Variants in APOL2 observed in about 807,000 individuals in gnomAD.
APOL2 encodes the protein apolipoprotein L, 2.
APOL2 carries 8 observed loss-of-function variants against 7.1 expected under a neutral mutation model. That is an observed-to-expected ratio of 1.12 (90% CI 0.66 to 2.03). The LOEUF (loss-of-function observed/expected upper bound fraction) is 2.03, where lower values mean the gene tolerates loss of function less well. Ranked by LOEUF, APOL2 falls within the 30% of genes most tolerant of loss-of-function variation. The probability of loss-of-function intolerance (pLI) is 0.00; values close to 1 mark genes in which losing one functional copy is unlikely to be tolerated. For missense variants in APOL2, 471 were observed against 415.1 expected (o/e 1.13, Z -1.17); for synonymous variants, 177 against 159.9 (o/e 1.11, Z -0.81).
intron 3 of APOL2, 152 bp from the exon 4 acceptor site, chr22:36,231,618 GCCCC>G: frequency 1.0e-6 from 1 of 962,084 alleles, no homozygotes; most frequent in Non-Finnish European, 1.5e-6. Context: ...GGGATTGTGT[GCCCC>G]CAAAATTCAT....
intron 1 of APOL2, among the ~76,000 whole-genome samples, chr22:36,234,562 G>A (rs1349541390): frequency 6.6e-6 from 1 of 152,174 alleles, no homozygotes; most frequent in Admixed American, 6.5e-5. Flanking sequence ...TACCCTGGGA[G>A]GTGAGGGAAA....
At chr22:36,235,007 G>A in intron 1 of APOL2, among the ~76,000 whole-genome samples, 1 of 152,200 alleles carries the variant, frequency 6.6e-6, no homozygotes, top group East Asian at 1.9e-4. Flanking sequence ...AAGAGATGTT[G>A]GAAAACAGAA....
rs2010499 is a variant in APOL2 at position 36,233,420 on chromosome 22, T to A, written c.-98A>T. On this transcript the variant is annotated 5_prime_UTR_variant, in exon 2 of 5. Coordinates refer to ENST00000358502, the MANE Select transcript of APOL2 (RefSeq NM_030882.4). ...AACTCACCTCGTTCCAGCTTCCTCT[T>A]CCCTCACTCTCACACCAAGGCAGGG... is the stretch of plus-strand genomic sequence containing the variant. 491,612 of 1,550,084 alleles carry A rather than the reference T, an allele frequency of 0.32. 82,882 individuals are homozygous for A. The highest frequency in any genetic ancestry group is 0.35 in the Non-Finnish European group (397,526 of 1,147,144).
At chr22:36,238,629 A>C (rs2015493565) in intron 1 of APOL2, among the ~76,000 whole-genome samples, 1 of 152,196 alleles carries the variant, frequency 6.6e-6, no homozygotes, top group Admixed American at 6.5e-5. Flanking sequence ...CTGTAGTTAT[A>C]CTCACAATTC....
intron 4 of APOL2, among the ~76,000 whole-genome samples, chr22:36,228,867 G>A (rs1488960437): frequency 2.0e-5 from 3 of 152,178 alleles, no homozygotes; most frequent in African/African-American, 4.8e-5. Flanking sequence ...AGGACTTGGG[G>A]ACTAAAGGTG....
At chr22:36,236,175 C>G (rs1361152323) in intron 1 of APOL2, among the ~76,000 whole-genome samples, 1 of 152,220 alleles carries the variant, frequency 6.6e-6, no homozygotes, top group Non-Finnish European at 1.5e-5. Context: ...AATGTAAACA[C>G]TCTTGATTGA....
chr22:36,227,267 G>T lies in APOL2; in HGVS notation c.*137C>A, dbSNP rs1381132560. On this transcript the variant is annotated 3_prime_UTR_variant, in exon 5 of 5. Coordinates refer to ENST00000358502, the MANE Select transcript of APOL2 (RefSeq NM_030882.4). Reference sequence around the variant, plus strand: ...GGAGGCGGAGTTTGCAGTGAGCCGAGATTGAGCCACTGCACTCCATCCTGG... The same window carrying T: ...GGAGGCGGAGTTTGCAGTGAGCCGATATTGAGCCACTGCACTCCATCCTGG... 3.6e-6 allele frequency: 4 copies of T among 1,104,432 alleles called. No individual in the cohort carries two copies. The highest frequency in any genetic ancestry group is 2.7e-5 in the East Asian group (1 of 37,506). The allele number at this position is 1,104,432 out of a possible 1,614,324, so 68.4% of individuals were successfully genotyped here. A position where few individuals can be genotyped will look rare whatever the true frequency, so the allele number is the denominator to read the frequency against.
At chr22:36,237,659 G>C (rs959989037) in intron 1 of APOL2, among the ~76,000 whole-genome samples, 1 of 152,064 alleles carries the variant, frequency 6.6e-6, no homozygotes, top group Non-Finnish European at 1.5e-5. Context: ...TGATTCTCCC[G>C]CCTCTGCCTC....
rs11703614 is a variant in APOL2, at chr22:36,226,668, G to C, written c.*736C>G. The C allele has an allele frequency of 0.19, 28,199 of 150,472 alleles. 2,932 individuals carry two copies. Among genetic ancestry groups the C allele is most frequent in the Middle Eastern group, 0.24 (72 of 298 alleles). The allele number at this position is 150,472 out of a possible 1,614,324, so 9.3% of individuals were successfully genotyped here. On this transcript the variant is annotated 3_prime_UTR_variant, in exon 5 of 5. Transcript: ENST00000358502. ...CTTGGAAGGACATCAAACCTGGGGG[G>C]GGGTCGGTAGTGGAGCTGCTGTTTC... is the stretch of plus-strand genomic sequence containing the variant.
intron 1 of APOL2, chr22:36,237,178 A>G: frequency 6.7e-7 from 1 of 1,495,818 alleles, no homozygotes. Flanking sequence ...ACTGCCCCTC[A>G]GGCTTGACTA....
At chr22:36,238,929 C>T (rs1352513976) in intron 1 of APOL2, among the ~76,000 whole-genome samples, 1 of 152,202 alleles carries the variant, frequency 6.6e-6, no homozygotes, top group Non-Finnish European at 1.5e-5. Context: ...AGTAGGTGCT[C>T]AGACTCAGGG....
rs770494326 is a variant in APOL2, at chr22:36,227,929, C to T, written c.489G>A (p.Gly163=). The T allele has an allele frequency of 6.2e-7, 1 of 1,614,118 alleles. No homozygotes were observed. The change falls in exon 5 of 5, where the codon GGG becomes GGA. Residue 163 remains glycine (G), a synonymous_variant. Transcript: ENST00000358502. ...MGLGAAAAVA[G]ITCSVVELVN... ...CTAGTTCTACCACACTGCAGGTAATCCCAGCCACAGCAGCTGCTGCTCCCA... is the reference window on the plus strand; with the variant it reads ...CTAGTTCTACCACACTGCAGGTAATTCCAGCCACAGCAGCTGCTGCTCCCA...
At chr22:36,235,486 TAAAAC>T (rs766771355) in intron 1 of APOL2, among the ~76,000 whole-genome samples, 1 of 151,810 alleles carries the variant, frequency 6.6e-6, no homozygotes, top group Non-Finnish European at 1.5e-5. Flanking sequence ...TTCATAAACT[TAAAAC>T]AAGATATATA....
At position 36,227,613 on chromosome 22, in the gene APOL2, T is replaced by C. The variant is rs773055468; in HGVS notation, c.805A>G (p.Ser269Gly). The part of the protein sequence containing the change: ...RVVEGPAQAM[S>G]RGTMIVGAAT... ...GCACCCACGATCATGGTTCCTCTGC[T>C]CATTGCCTGGGCGGGGCCTTCAACA... The change falls in exon 5 of 5, where the codon AGC (serine) becomes GGC (glycine). Residue 269 changes from serine (S) to glycine (G), a missense_variant. Coordinates refer to ENST00000358502, the MANE Select transcript of APOL2 (RefSeq NM_030882.4). 4.5e-5 allele frequency: 72 copies of C among 1,614,112 alleles called. No individual in the cohort carries two copies. The highest frequency in any genetic ancestry group is 5.8e-5 in the Non-Finnish European group (69 of 1,180,048).
intron 1 of APOL2, among the ~76,000 whole-genome samples, chr22:36,235,883 A>C (rs1441559081): frequency 6.6e-6 from 1 of 152,052 alleles, no homozygotes; most frequent in African/African-American, 2.4e-5. Flanking sequence ...GAGAGAAGGG[A>C]ATCTGAGGAT....
At chr22:36,239,570 C>G, upstream of APOL2, 8 of 1,507,806 alleles carry the variant, frequency 5.3e-6, no homozygotes, top group Non-Finnish European at 7.2e-6. Flanking sequence ...CCCTGGAATT[C>G]GAAAGGGAAA....
chr22:36,239,181 G>A, intron 1 of APOL2: 1 of 1,263,934 alleles, frequency 7.9e-7, no homozygotes, highest in Non-Finnish European at 1.0e-6. Context: ...GTCAGAACCA[G>A]AGCTGAGCCC....
intron 1 of APOL2, among the ~76,000 whole-genome samples, chr22:36,238,624 G>C (rs1894493): frequency 0.35 from 52,486 of 152,036 alleles, 9,676 homozygotes; most frequent in African/African-American, 0.47. Flanking sequence ...CACTCCTGTA[G>C]TTATACTCAC....
chr22:36,227,947 T>C lies in APOL2; in HGVS notation c.471A>G (p.Ala157=). The change falls in exon 5 of 5, where the codon GCA becomes GCG. Residue 157 remains alanine, a synonymous_variant. Coordinates refer to ENST00000358502, the MANE Select transcript of APOL2 (RefSeq NM_030882.4). ...VLLDTGMGLG[A]AAAVAGITCS... is the part of the protein sequence containing the mutation. ...AGGTAATCCCAGCCACAGCAGCTGC[T>C]GCTCCCAGACCCATGCCAGTGTCCA... 6.2e-7 allele frequency: 1 copy of C among 1,614,236 alleles called. No individual in the cohort carries two copies. Among genetic ancestry groups the C allele is most frequent in the Non-Finnish European group, 8.5e-7 (1 of 1,180,036 alleles).
Sources: allele counts gnomAD v4.1 joint callset (sites outside exome capture counted in the v4.1 genomes callset), GRCh38; gene constraint gnomAD v4.1.1; transcripts MANE v1.5; gene names NCBI Gene and HGNC (gene_info 2026-07-23, HGNC 2026-07-21).